The following GRM8 variants were observed in gnomAD, a reference collection of about 807,000 sequenced individuals.
GRM8 encodes the protein metabotropic glutamate receptor 8.
Under a neutral mutation model 87.2 loss-of-function variants are expected in GRM8, and 47 were observed. The ratio of observed to expected loss-of-function variants is 0.54; its 90% CI spans 0.43 to 0.69. The LOEUF (loss-of-function observed/expected upper bound fraction) is 0.69, where lower values mean the gene tolerates loss of function less well. Ranked by LOEUF, GRM8 falls within the 30% of genes least tolerant of loss-of-function variation. The probability of loss-of-function intolerance (pLI) is 0.00; values close to 1 mark genes in which losing one functional copy is unlikely to be tolerated. For missense variants in GRM8, 1,019 were observed against 1,139.2 expected, an observed-to-expected ratio of 0.89 and a Z score of 1.52; for synonymous variants, 396 against 404.5, an observed-to-expected ratio of 0.98 and a Z score of 0.25.
chr7:126,831,370 C>T (rs1209997990), intron 6 of GRM8, among the ~76,000 whole-genome samples: 2 of 152,230 alleles, frequency 1.3e-5, no homozygotes, highest in African/African-American at 2.4e-5. Context: ...TTCGAGCTTC[C>T]CGGCTGCTTT....
In GRM8 at chr7:126,904,730, T is replaced by C. The variant is rs1449672509; in HGVS notation, c.728-47A>G. On this transcript the variant is annotated intron_variant, in intron 3 of 10. Transcript: ENST00000339582. Reference sequence around the variant, plus strand: ...TGGTGATTCAGAAAGAGCATTTATTTAATTAGCAAACCCAATTACCTACTT... The same window carrying C: ...TGGTGATTCAGAAAGAGCATTTATTCAATTAGCAAACCCAATTACCTACTT... 4 of 1,574,166 alleles carry C rather than the reference T, an allele frequency of 2.5e-6. No homozygotes were observed. The South Asian group carries it at 3.4e-5, about 13-fold the overall frequency.
At position 126,728,643 on chromosome 7, in the gene GRM8, A is replaced by T. The variant is rs184980955; in HGVS notation, c.1357+41222T>A. On this transcript the variant is annotated intron_variant, in intron 7 of 10. Coordinates refer to ENST00000339582, the MANE Select transcript of GRM8 (RefSeq NM_000845.3). ...CAGTAACTTTGAAAAACACTCGAAG[A>T]CAAGGAAAACTTGATTCTGAAAAGT... Among the ~76,000 whole-genome samples, 24 of 152,330 alleles carry T rather than the reference A, an allele frequency of 1.6e-4. No individual in the cohort carries two copies. The East Asian group carries it at 4.6e-3, about 29-fold the overall frequency.
chr7:127,084,282 C>A (rs1373789322), intron 3 of GRM8: 1 of 152,138 alleles, frequency 6.6e-6, no homozygotes, highest in Non-Finnish European at 1.5e-5. Context: ...TAGAGCGAGG[C>A]TAGGCTGTTC....
At chr7:126,603,743 G>A (rs1445270763) in intron 8 of GRM8, among the ~76,000 whole-genome samples, 2 of 151,992 alleles carry the variant, frequency 1.3e-5, no homozygotes, top group Non-Finnish European at 2.9e-5. Flanking sequence ...ATATATGTAT[G>A]TATGTATGTG....
chr7:126,736,374 G>C (rs754235030), intron 7 of GRM8, among the ~76,000 whole-genome samples: 4 of 152,020 alleles, frequency 2.6e-5, no homozygotes, highest in Non-Finnish European at 4.4e-5. Flanking sequence ...ACCTGCTCTA[G>C]AGTTTATAAA....
At chr7:126,967,629 C>A (rs1462913199) in intron 3 of GRM8, among the ~76,000 whole-genome samples, 1 of 152,030 alleles carries the variant, frequency 6.6e-6, no homozygotes, top group East Asian at 1.9e-4. Context: ...AGGAAATCGT[C>A]TCTTCCATTT....
rs550378317 is a variant in GRM8, at chr7:127,252,856, G to GCGCCGCCGCCGCCGC, written c.-386_-372dup. The GCGCCGCCGCCGCCGC allele has an allele frequency of 8.3e-5, 18 of 218,032 alleles. 1 individual carries two copies. The highest frequency in any genetic ancestry group is 1.2e-4 in the African/African-American group (5 of 41,878). The allele number at this position is 218,032 out of a possible 1,614,324, so 13.5% of individuals were successfully genotyped here. On this transcript the variant is annotated 5_prime_UTR_variant, in exon 1 of 11. Transcript: ENST00000339582. This position sits in a 1 kb window ranked among gnomAD's most constrained non-coding sequence, Gnocchi z 4.9. ...GCCGGGGGCCCGCAGCTCCATGTCA[G>GCGCCGCCGCCGCCGC]CGCCGCCGCCGCCGCCGCCGCCGCC... is the stretch of plus-strand genomic sequence containing the variant.
chr7:126,797,474 C>T (rs897092827), intron 6 of GRM8, among the ~76,000 whole-genome samples: 6 of 151,790 alleles, frequency 4.0e-5, no homozygotes, highest in Non-Finnish European at 5.9e-5. Flanking sequence ...TTTAAAAAAT[C>T]ATATTTTGGA....
chr7:126,819,275 T>TAAACACACACACACACAC (rs1554501781), intron 6 of GRM8, among the ~76,000 whole-genome samples: 1 of 148,230 alleles, frequency 6.7e-6, no homozygotes, highest in African/African-American at 2.5e-5. Context: ...CAGACACACA[T>TAAACACACACACACACAC]ACACACACAC....
At chr7:126,792,007 G>A (rs1321954626) in intron 6 of GRM8, among the ~76,000 whole-genome samples, 1 of 152,154 alleles carries the variant, frequency 6.6e-6, no homozygotes, top group African/African-American at 2.4e-5. Flanking sequence ...TTCAATGGAA[G>A]GTCACAGATT....
chr7:126,924,245 A>C (rs968825202), intron 3 of GRM8, among the ~76,000 whole-genome samples: 1 of 152,210 alleles, frequency 6.6e-6, no homozygotes, highest in Non-Finnish European at 1.5e-5. Context: ...GTGATGAAAG[A>C]AATAAAAGGT....
At chr7:126,975,960 T>G (rs190949883) in intron 3 of GRM8, among the ~76,000 whole-genome samples, 5 of 152,142 alleles carry the variant, frequency 3.3e-5, no homozygotes, top group Admixed American at 2.6e-4. Context: ...ATTATTAATT[T>G]TCTAACCAGG....
At chr7:127,000,162 T>C (rs1467193597) in intron 3 of GRM8, among the ~76,000 whole-genome samples, 1 of 151,632 alleles carries the variant, frequency 6.6e-6, no homozygotes, top group Non-Finnish European at 1.5e-5. Context: ...ACTTTGCATG[T>C]TCTCACTTAT....
intron 8 of GRM8, among the ~76,000 whole-genome samples, chr7:126,585,600 C>T (rs1354490420): frequency 7.9e-5 from 12 of 152,210 alleles, no homozygotes; most frequent in South Asian, 6.2e-4. Context: ...TCTCAATAGA[C>T]ACAGAAAATG....
chr7:127,044,737 C>A (rs892672358), intron 3 of GRM8, among the ~76,000 whole-genome samples: 2 of 152,058 alleles, frequency 1.3e-5, no homozygotes, highest in Admixed American at 1.3e-4. Context: ...TTAAATGGGA[C>A]ATAACAGCAA....
intron 9 of GRM8, among the ~76,000 whole-genome samples, chr7:126,531,827 A>G (rs1814870063): frequency 6.6e-6 from 1 of 152,172 alleles, no homozygotes; most frequent in Non-Finnish European, 1.5e-5. Flanking sequence ...ATTTTCTGTG[A>G]ATTTGCTGGG....
chr7:126,480,649 G>A (rs1256663979), intron 9 of GRM8, among the ~76,000 whole-genome samples: 1 of 152,054 alleles, frequency 6.6e-6, no homozygotes, highest in African/African-American at 2.4e-5. Flanking sequence ...AATGACCCTT[G>A]TAATGTTGGT....
intron 1 of GRM8, among the ~76,000 whole-genome samples, chr7:127,243,841 C>A (rs1587364748): frequency 7.1e-6 from 1 of 141,668 alleles, no homozygotes. Context: ...CATTTCTTTT[C>A]AAATCTGTTT....
intron 9 of GRM8, among the ~76,000 whole-genome samples, chr7:126,482,144 C>T (rs767223248): frequency 1.3e-5 from 2 of 151,980 alleles, no homozygotes; most frequent in Non-Finnish European, 2.9e-5. Context: ...ACTATAAAAA[C>T]GGAAAGCACA....
Sources: gnomAD v4.1 joint callset for allele counts (sites outside exome capture counted in the v4.1 genomes callset) on GRCh38, gnomAD v4.1.1 for gene constraint, Gnocchi (gnomAD v3.1) non-coding constraint, MANE v1.5 for transcripts, NCBI Gene and HGNC (gene_info 2026-07-23, HGNC 2026-07-21) for gene names.